The following RUNDC3B variants were observed in gnomAD, a reference collection of about 807,000 sequenced individuals.
RUNDC3B encodes RUN domain containing 3B, also known as RUN domain-containing protein 3B.
RUNDC3B carries 33 observed loss-of-function variants against 58.4 expected under a neutral mutation model. The observed-to-expected ratio is 0.56, with a 90% confidence interval of 0.43 to 0.75. The LOEUF (loss-of-function observed/expected upper bound fraction) is 0.75. Ranked by LOEUF, RUNDC3B falls within the 30% of genes least tolerant of loss-of-function variation. The pLI, the probability that RUNDC3B is intolerant of heterozygous loss-of-function variation, is 0.00. For synonymous variants in RUNDC3B, 193 were observed against 195.2 expected (o/e 0.99, Z 0.10); for missense variants, 501 against 535.7 (o/e 0.94, Z 0.64).
chr7:87,672,947 T>C (rs1334611040), intron 2 of RUNDC3B, among the ~76,000 whole-genome samples: 1 of 152,152 alleles, frequency 6.6e-6, no homozygotes, highest in Non-Finnish European at 1.5e-5. Context: ...TTAACTTGTC[T>C]TTCTCTATGA....
chr7:87,739,754 T>A, intron 4 of RUNDC3B, 37 bp from the exon 5 acceptor site: 1 of 974,916 alleles, frequency 1.0e-6, no homozygotes. Flanking sequence ...TCCATTTATT[T>A]TTAATATTTT....
intron 9 of RUNDC3B, among the ~76,000 whole-genome samples, chr7:87,811,894 C>A (rs1235857789): frequency 6.6e-6 from 1 of 152,100 alleles, no homozygotes; most frequent in Non-Finnish European, 1.5e-5. Context: ...GTTCCTTAGA[C>A]ATATTTCTGT....
intron 8 of RUNDC3B, among the ~76,000 whole-genome samples, chr7:87,791,453 A>G (rs1013276759): frequency 6.6e-6 from 1 of 152,142 alleles, no homozygotes; most frequent in Non-Finnish European, 1.5e-5. Context: ...TAACTGTGGT[A>G]TGCAAACCAC....
chr7:87,786,497 C>T (rs1835225452), intron 8 of RUNDC3B, among the ~76,000 whole-genome samples: 1 of 151,374 alleles, frequency 6.6e-6, no homozygotes, highest in Non-Finnish European at 1.5e-5. Context: ...CCTTTCTTAA[C>T]CCCTTGCTTC....
At chr7:87,819,619 T>C (rs888398854) in intron 10 of RUNDC3B, among the ~76,000 whole-genome samples, 4 of 152,052 alleles carry the variant, frequency 2.6e-5, no homozygotes, top group East Asian at 1.9e-4. Flanking sequence ...TATTCCAAAA[T>C]TGACCACATA....
At chr7:87,669,237 C>T (rs1240249970) in intron 2 of RUNDC3B, among the ~76,000 whole-genome samples, 2 of 152,062 alleles carry the variant, frequency 1.3e-5, no homozygotes, top group Admixed American at 6.6e-5. Context: ...GTAATGCCCT[C>T]TTTGTCTTTT....
At chr7:87,661,371 A>T (rs1162703045) in intron 2 of RUNDC3B, among the ~76,000 whole-genome samples, 2 of 151,842 alleles carry the variant, frequency 1.3e-5, no homozygotes, top group Non-Finnish European at 2.9e-5. Flanking sequence ...CTATCTAACT[A>T]CATTTTTGTA....
intron 7 of RUNDC3B, among the ~76,000 whole-genome samples, chr7:87,772,408 T>C (rs1270592410): frequency 2.6e-5 from 4 of 152,038 alleles, no homozygotes; most frequent in African/African-American, 4.8e-5. Flanking sequence ...ACATAGTATT[T>C]CTACTAAGAT....
intron 4 of RUNDC3B, among the ~76,000 whole-genome samples, chr7:87,710,886 T>C (rs1830012071): frequency 6.6e-6 from 1 of 152,250 alleles, no homozygotes; most frequent in African/African-American, 2.4e-5. Flanking sequence ...ATCCTTTTTC[T>C]AAATCATTTC....
chr7:87,744,271 C>T (rs146450272), intron 6 of RUNDC3B, among the ~76,000 whole-genome samples: 1,555 of 152,106 alleles, frequency 0.01, 30 homozygotes, highest in African/African-American at 0.035. Context: ...GTTCTTTTTG[C>T]TTAGTCTTAC....
intron 2 of RUNDC3B, among the ~76,000 whole-genome samples, chr7:87,651,947 GT>G (rs200326030): frequency 3.3e-5 from 5 of 151,428 alleles, no homozygotes; most frequent in African/African-American, 1.2e-4. Flanking sequence ...TTTTAAAAGG[GT>G]TTTTTTTGTC....
Position 87,831,025 on chromosome 7 carries a change from T to C in RUNDC3B, c.*995T>C, listed in dbSNP as rs957715193. On this transcript the variant is annotated 3_prime_UTR_variant, in exon 11 of 11. Transcript: ENST00000394654. ...CATTAATCACACCAGAGTCTCATTT[T>C]AAAACATTTTAATGTTAAAACATCC... 27 of 151,878 alleles carry C rather than the reference T, an allele frequency of 1.8e-4. No individual in the cohort carries two copies. Among genetic ancestry groups the C allele is most frequent in the African/African-American group, 6.5e-4 (27 of 41,514 alleles). 9.4% of individuals were successfully genotyped at this position (151,878 alleles called of 1,614,324 possible).
At chr7:87,682,635 G>A (rs1027892074) in intron 2 of RUNDC3B, among the ~76,000 whole-genome samples, 1 of 152,174 alleles carries the variant, frequency 6.6e-6, no homozygotes, top group Non-Finnish European at 1.5e-5. Flanking sequence ...TTTCTGAGTA[G>A]TGGATCAAAA....
chr7:87,818,273 A>C (rs939371747), intron 10 of RUNDC3B, among the ~76,000 whole-genome samples: 1 of 152,214 alleles, frequency 6.6e-6, no homozygotes, highest in Non-Finnish European at 1.5e-5. Flanking sequence ...TGTCTTCAAT[A>C]ATTCAAGGTT....
intron 4 of RUNDC3B, among the ~76,000 whole-genome samples, chr7:87,724,434 G>C (rs1363562557): frequency 6.6e-6 from 1 of 152,062 alleles, no homozygotes. Context: ...GATTATTAAA[G>C]ATGGAAGTTT....
At chr7:87,629,084 G>C in intron 1 of RUNDC3B, 139 bp downstream of exon 1, 1 of 819,462 alleles carries the variant, frequency 1.2e-6, no homozygotes. Flanking sequence ...CCAAATCTGT[G>C]AGCGCGCAGC....
chr7:87,715,821 C>T (rs1233683290), intron 4 of RUNDC3B, among the ~76,000 whole-genome samples: 5 of 151,578 alleles, frequency 3.3e-5, no homozygotes, highest in Non-Finnish European at 7.4e-5. Flanking sequence ...TATTAACTGA[C>T]CAATTACTGA....
intron 2 of RUNDC3B, among the ~76,000 whole-genome samples, chr7:87,678,844 A>G (rs559663114): frequency 1.3e-5 from 2 of 152,334 alleles, no homozygotes; most frequent in East Asian, 3.9e-4. Context: ...GGACATTTAC[A>G]TATTAAAAAG....
At chr7:87,753,571 A>C (rs1833162232) in intron 6 of RUNDC3B, among the ~76,000 whole-genome samples, 1 of 152,204 alleles carries the variant, frequency 6.6e-6, no homozygotes, top group African/African-American at 2.4e-5. Flanking sequence ...CATTGGGTGC[A>C]TATATATTTA....
Sources: gnomAD v4.1 joint callset for allele counts (sites outside exome capture counted in the v4.1 genomes callset) on GRCh38, gnomAD v4.1.1 for gene constraint, MANE v1.5 for transcripts, NCBI Gene and HGNC (gene_info 2026-07-23, HGNC 2026-07-21) for gene names.